Variants in ZNF184 observed in about 807,000 individuals in gnomAD.
ZNF184 encodes the protein zinc finger protein 184 (Kruppel-like).
In ZNF184, 16 loss-of-function variants were observed where a neutral mutation model predicts 54.4. The ratio of observed to expected loss-of-function variants is 0.29; its 90% CI spans 0.20 to 0.45. ZNF184 has a LOEUF of 0.45. Ranked by LOEUF, ZNF184 falls within the 20% of genes least tolerant of loss-of-function variation. The pLI is 1.00. For synonymous variants in ZNF184, 254 were observed against 295.3 expected, an observed-to-expected ratio of 0.86 and a Z score of 1.43; for missense variants, 681 against 888.2, an observed-to-expected ratio of 0.77 and a Z score of 2.97.
chr6:27,455,292 T>C (rs1285833479), intron 5 of ZNF184, among the ~76,000 whole-genome samples: 2 of 152,186 alleles, frequency 1.3e-5, no homozygotes, highest in African/African-American at 4.8e-5. Flanking sequence ...TTCTGTTCAC[T>C]GACCAGGTAA....
Position 27,451,794 on chromosome 6 carries a change from T to G in ZNF184, c.1765A>C (p.Asn589His), listed in dbSNP as rs1762729675. ...IHTGERPYKC[N>H]ECGRAFNQNI... The stretch of plus-strand genomic sequence containing the variant: ...TGGTTGAATGCTCTCCCACACTCAT[T>G]ACACTTGTAAGGTCGTTCTCCAGTA... The change falls in exon 6 of 6, where the codon AAT becomes CAT. Residue 589 changes from asparagine to histidine, a missense_variant. By Grantham distance (68) the Asn-to-His change is moderately conservative. Coordinates refer to ENST00000683788, the MANE Select transcript of ZNF184 (RefSeq NM_001318891.2). The G allele has an allele frequency of 6.2e-7, 1 of 1,614,042 alleles. No homozygotes were observed. The highest frequency in any genetic ancestry group is 1.1e-5 in the South Asian group (1 of 91,082).
At chr6:27,418,977 G>T in the ZNF184 span, among the ~76,000 whole-genome samples, 2 of 151,740 alleles carry the variant, frequency 1.3e-5, no homozygotes, top group African/African-American at 4.8e-5. Context: ...TTTTAAGTTT[G>T]TTTCTTCACA....
chr6:27,450,282 C>T (rs1044498052), downstream of ZNF184, among the ~76,000 whole-genome samples: 1 of 152,120 alleles, frequency 6.6e-6, no homozygotes, highest in Non-Finnish European at 1.5e-5. Context: ...TAGGGTTCTC[C>T]AGGTGTTATG....
At chr6:27,425,788 A>C in the ZNF184 span, among the ~76,000 whole-genome samples, 3 of 152,256 alleles carry the variant, frequency 2.0e-5, no homozygotes, top group Admixed American at 2.0e-4. Context: ...CCTGGGACCC[A>C]TCCTCTTCCT....
intron 3 of ZNF184, among the ~76,000 whole-genome samples, chr6:27,465,016 CAAA>C (rs61602778): frequency 2.0e-5 from 1 of 48,944 alleles, no homozygotes. Flanking sequence ...GACTCTGTCT[CAAA>C]AAAAAAAAAA....
the ZNF184 span, among the ~76,000 whole-genome samples, chr6:27,432,931 G>C: frequency 3.9e-5 from 6 of 152,154 alleles, no homozygotes; most frequent in Non-Finnish European, 8.8e-5. This position sits in a 1 kb window ranked among gnomAD's most constrained non-coding sequence, Gnocchi z 4.0. Flanking sequence ...CCACCATAAC[G>C]TGAGAAAGCC....
the ZNF184 span, among the ~76,000 whole-genome samples, chr6:27,425,627 A>C: frequency 6.6e-6 from 1 of 152,216 alleles, no homozygotes; most frequent in African/African-American, 2.4e-5. Context: ...ATTTTCTGCA[A>C]TAAACTTAAA....
downstream of ZNF184, among the ~76,000 whole-genome samples, chr6:27,450,041 G>A (rs929341114): frequency 1.1e-4 from 16 of 152,184 alleles, no homozygotes; most frequent in African/African-American, 3.9e-4. Flanking sequence ...TTGGGAAACA[G>A]GAATGTGGTC....
chr6:27,445,574 A>T, the ZNF184 span, among the ~76,000 whole-genome samples: 2 of 152,260 alleles, frequency 1.3e-5, no homozygotes, highest in Admixed American at 1.3e-4. Flanking sequence ...CCCTTGCCAC[A>T]TGATGCCTTC....
chr6:27,438,790 G>C, the ZNF184 span, among the ~76,000 whole-genome samples: 1 of 151,980 alleles, frequency 6.6e-6, no homozygotes, highest in East Asian at 1.9e-4. Context: ...GTTATTTTTA[G>C]TACTTATTCA....
chr6:27,457,261 A>G, intron 4 of ZNF184, 22 bp downstream of exon 4: 1 of 1,612,564 alleles, frequency 6.2e-7, no homozygotes, highest in African/African-American at 1.3e-5. Flanking sequence ...CCTTGATATT[A>G]ACTCAGAGAA....
chr6:27,468,063 G>A, intron 2 of ZNF184, 143 bp from the exon 3 acceptor site: 2 of 673,804 alleles, frequency 3.0e-6, no homozygotes, highest in East Asian at 6.3e-5. Context: ...AAAGTTACAA[G>A]ATAACTGGGG....
the ZNF184 span, among the ~76,000 whole-genome samples, chr6:27,436,173 T>G: frequency 1.3e-5 from 2 of 152,202 alleles, no homozygotes; most frequent in African/African-American, 4.8e-5. Context: ...GTGTGTTTTT[T>G]TTGTTGTTGT....
chr6:27,422,384 T>A, the ZNF184 span, among the ~76,000 whole-genome samples: 3 of 152,056 alleles, frequency 2.0e-5, no homozygotes, highest in Non-Finnish European at 4.4e-5. Context: ...TCAAGGATTC[T>A]GAGATGTCTG....
the ZNF184 span, among the ~76,000 whole-genome samples, chr6:27,424,973 C>A: frequency 6.6e-6 from 1 of 152,202 alleles, no homozygotes; most frequent in African/African-American, 2.4e-5. Context: ...GCCTGCCCCG[C>A]GGGAAGGCAG....
the ZNF184 span, among the ~76,000 whole-genome samples, chr6:27,438,560 G>A: frequency 1.3e-5 from 2 of 152,104 alleles, no homozygotes; most frequent in African/African-American, 4.8e-5. Context: ...AGATCATACT[G>A]TCCTTTAAAG....
At chr6:27,466,986 A>G (rs1288046926) in intron 3 of ZNF184, among the ~76,000 whole-genome samples, 2 of 152,208 alleles carry the variant, frequency 1.3e-5, no homozygotes, top group Non-Finnish European at 2.9e-5. Context: ...TCATTTGTGT[A>G]CCACTTGCCA....
At chr6:27,414,029 G>C in the ZNF184 span, among the ~76,000 whole-genome samples, 1 of 152,052 alleles carries the variant, frequency 6.6e-6, no homozygotes, top group Non-Finnish European at 1.5e-5. Context: ...GATAAGCCTG[G>C]TGCCATCATT....
At position 27,452,086 on chromosome 6, in the gene ZNF184, T is replaced by G. The variant is rs1290072075; in HGVS notation, c.1473A>C (p.Gln491His). ...KAFSYCSSLT[Q>H]HRRIHTREKP... ...TTTCTCTCGTGTGAATTCTCCGATG[T>G]TGAGTAAGGGATGAGCAGTAACTGA... Residue 491 changes from glutamine (Q) to histidine (H), a missense_variant, in exon 6 of 6, where the codon CAA (glutamine) becomes CAC (histidine). Transcript: ENST00000683788. The surrounding 1 kb of genome is among the most constrained non-coding windows in gnomAD (Gnocchi z 5.5). 6.2e-7 allele frequency: 1 copy of G among 1,613,908 alleles called. No individual in the cohort carries two copies. Among genetic ancestry groups the G allele is most frequent in the Non-Finnish European group, 8.5e-7 (1 of 1,180,012 alleles).
Sources: gnomAD v4.1 joint callset for allele counts (sites outside exome capture counted in the v4.1 genomes callset) on GRCh38, gnomAD v4.1.1 for gene constraint, Gnocchi (gnomAD v3.1) non-coding constraint, MANE v1.5 for transcripts, NCBI Gene and HGNC (gene_info 2026-07-23, HGNC 2026-07-21) for gene names.